Variants in LIN28B observed in about 807,000 individuals in gnomAD.
LIN28B encodes protein lin-28 homolog B.
Under a neutral mutation model 21.9 loss-of-function variants are expected in LIN28B, and 5 were observed. That is an observed-to-expected ratio of 0.23 (90% CI 0.12 to 0.48). LIN28B has a LOEUF of 0.48. Ranked by LOEUF, LIN28B falls within the 20% of genes least tolerant of loss-of-function variation. LIN28B has a pLI of 0.98. For synonymous variants in LIN28B, 109 were observed against 111.3 expected, an observed-to-expected ratio of 0.98 and a Z score of 0.13; for missense variants, 245 against 310.5, an observed-to-expected ratio of 0.79 and a Z score of 1.58.
At chr6:105,048,702 T>C (rs1342250039) in intron 3 of LIN28B, among the ~76,000 whole-genome samples, 2 of 152,220 alleles carry the variant, frequency 1.3e-5, no homozygotes, top group African/African-American at 4.8e-5. Flanking sequence ...GATCCTGTTA[T>C]CGGTCTATTC....
chr6:104,971,574 C>A (rs1769985450), intron 2 of LIN28B, among the ~76,000 whole-genome samples: 1 of 152,072 alleles, frequency 6.6e-6, no homozygotes, highest in Non-Finnish European at 1.5e-5. Flanking sequence ...CATAGAAAGG[C>A]TACTTAAGTT....
At chr6:104,997,622 A>G (rs1770639657) in intron 2 of LIN28B, among the ~76,000 whole-genome samples, 1 of 151,716 alleles carries the variant, frequency 6.6e-6, no homozygotes, top group South Asian at 2.1e-4. Context: ...CTAAAATGAT[A>G]AAATGTTTTC....
intron 3 of LIN28B, among the ~76,000 whole-genome samples, chr6:105,048,601 C>T (rs1402581826): frequency 6.6e-6 from 1 of 152,130 alleles, no homozygotes; most frequent in African/African-American, 2.4e-5. Context: ...GGTACCAGCT[C>T]CTCCTGTACC....
intron 2 of LIN28B, among the ~76,000 whole-genome samples, chr6:104,944,413 A>G (rs893781614): frequency 1.3e-5 from 2 of 152,162 alleles, no homozygotes; most frequent in Admixed American, 6.5e-5. Flanking sequence ...GATATTTGCA[A>G]TTTTTGATTT....
intron 2 of LIN28B, among the ~76,000 whole-genome samples, chr6:104,987,463 C>T (rs1225491627): frequency 6.6e-6 from 1 of 152,062 alleles, no homozygotes; most frequent in Non-Finnish European, 1.5e-5. Context: ...GCCGCCTCAG[C>T]CTCCTTAGTA....
At chr6:105,036,137 A>G (rs1056696857) in intron 3 of LIN28B, among the ~76,000 whole-genome samples, 1 of 152,036 alleles carries the variant, frequency 6.6e-6, no homozygotes, top group Non-Finnish European at 1.5e-5. Flanking sequence ...GTAACTCCGA[A>G]CTATAGATCA....
At chr6:104,949,460 A>C (rs1778193981) in intron 2 of LIN28B, among the ~76,000 whole-genome samples, 1 of 152,190 alleles carries the variant, frequency 6.6e-6, no homozygotes, top group African/African-American at 2.4e-5. Context: ...TGTAAAAAGA[A>C]CCTTGGGTCA....
chr6:105,043,796 G>A (rs1351493747), intron 3 of LIN28B, among the ~76,000 whole-genome samples: 1 of 151,842 alleles, frequency 6.6e-6, no homozygotes, highest in Non-Finnish European at 1.5e-5. Context: ...AGGCTAGTCG[G>A]GTTTCACAAG....
intron 2 of LIN28B, among the ~76,000 whole-genome samples, chr6:104,977,940 A>AT (rs1054746069): frequency 6.6e-6 from 1 of 152,152 alleles, no homozygotes; most frequent in Non-Finnish European, 1.5e-5. Context: ...TACATTAGGA[A>AT]TTTTTTTCCT....
At chr6:104,943,265 T>C (rs1401932784) in intron 2 of LIN28B, among the ~76,000 whole-genome samples, 2 of 152,156 alleles carry the variant, frequency 1.3e-5, no homozygotes, top group African/African-American at 4.8e-5. Flanking sequence ...CTTACCTGCC[T>C]AAAAGTTTGA....
chr6:104,988,679 C>A (rs1463153098), intron 2 of LIN28B, among the ~76,000 whole-genome samples: 2 of 150,120 alleles, frequency 1.3e-5, no homozygotes, highest in Non-Finnish European at 3.0e-5. Context: ...TCAAGTGATT[C>A]TCCTGCCTCC....
intron 3 of LIN28B, among the ~76,000 whole-genome samples, chr6:105,053,944 G>A (rs1211823056): frequency 6.6e-6 from 1 of 152,038 alleles, no homozygotes; most frequent in Non-Finnish European, 1.5e-5. Flanking sequence ...GGGTTTCACC[G>A]TGTTGGCCAC....
chr6:105,035,668 C>T (rs905528601), intron 3 of LIN28B, among the ~76,000 whole-genome samples: 1 of 152,134 alleles, frequency 6.6e-6, no homozygotes. Context: ...CTATGGTTTA[C>T]TTCAAGGTAC....
intron 3 of LIN28B, among the ~76,000 whole-genome samples, chr6:105,046,706 A>C (rs1771773538): frequency 6.6e-6 from 1 of 152,228 alleles, no homozygotes. Flanking sequence ...AATGATCACC[A>C]TTCTAACTGG....
At chr6:105,005,781 T>C (rs1437446850) in intron 2 of LIN28B, among the ~76,000 whole-genome samples, 1 of 152,232 alleles carries the variant, frequency 6.6e-6, no homozygotes, top group Non-Finnish European at 1.5e-5. Context: ...GGTAGTTCTT[T>C]ATAGCAGTGT....
intron 2 of LIN28B, among the ~76,000 whole-genome samples, chr6:104,947,287 G>C (rs1778167598): frequency 6.6e-6 from 1 of 152,022 alleles, no homozygotes; most frequent in South Asian, 2.1e-4. Context: ...ACCACGCCTG[G>C]CTAATTCATG....
intron 2 of LIN28B, among the ~76,000 whole-genome samples, chr6:104,967,823 C>T (rs314269): frequency 0.48 from 72,619 of 151,732 alleles, 19,321 homozygotes; most frequent in East Asian, 0.69. Context: ...GGACTACAGG[C>T]GTGCACCACC....
chr6:104,946,135 C>G (rs960794596), intron 2 of LIN28B, among the ~76,000 whole-genome samples: 1 of 151,616 alleles, frequency 6.6e-6, no homozygotes, highest in Non-Finnish European at 1.5e-5. Flanking sequence ...GAGATTTTTT[C>G]CTAATATAAA....
At chr6:104,955,349 T>C (rs76578986), upstream of LIN28B, among the ~76,000 whole-genome samples, 3,284 of 152,036 alleles carry the variant, frequency 0.022, 125 homozygotes, top group African/African-American at 0.076. Context: ...ACAGGATTAT[T>C]CCTCCCAAAA....
Sources: allele counts gnomAD v4.1 joint callset (sites outside exome capture counted in the v4.1 genomes callset), GRCh38; gene constraint gnomAD v4.1.1; transcripts MANE v1.5; gene names NCBI Gene and HGNC (gene_info 2026-07-23, HGNC 2026-07-21).